STK4: variants seen among roughly 807,000 people sequenced by gnomAD.
STK4 encodes serine/threonine kinase 4, also known as serine/threonine-protein kinase 4.
Under a neutral mutation model 64.9 loss-of-function variants are expected in STK4, and 30 were observed. The ratio of observed to expected loss-of-function variants is 0.46; its 90% CI spans 0.35 to 0.63. The LOEUF is 0.63. Among genes scored for constraint, STK4 ranks in the 20% least tolerant of loss-of-function variants. The probability of loss-of-function intolerance (pLI) is 0.01; values close to 1 mark genes in which losing one functional copy is unlikely to be tolerated. For missense variants in STK4, 466 were observed against 598.5 expected (o/e 0.78, Z 2.31); for synonymous variants, 177 against 199.0 (o/e 0.89, Z 0.93).
intron 1 of STK4, chr20:44,967,273 T>C: frequency 1.0e-6 from 1 of 973,726 alleles, no homozygotes; most frequent in Non-Finnish European, 1.2e-6. Context: ...CATTGGGAGG[T>C]AGGTAAGGAA....
intron 9 of STK4, among the ~76,000 whole-genome samples, chr20:45,003,869 G>A (rs1285597772): frequency 1.3e-5 from 2 of 151,288 alleles, no homozygotes; most frequent in Non-Finnish European, 3.0e-5. Flanking sequence ...GGCGTGTGCT[G>A]CCACACCTGG....
intron 6 of STK4, among the ~76,000 whole-genome samples, chr20:44,996,762 A>G (rs1459442972): frequency 6.6e-6 from 1 of 152,078 alleles, no homozygotes; most frequent in Non-Finnish European, 1.5e-5. Flanking sequence ...CTTATTGTGT[A>G]GTTGCTGCTG....
chr20:44,995,714 A>G (rs1381947296), intron 6 of STK4, among the ~76,000 whole-genome samples: 1 of 151,896 alleles, frequency 6.6e-6, no homozygotes, highest in Admixed American at 6.6e-5. Flanking sequence ...ATACACCTCT[A>G]CTGACTCTAG....
chr20:45,064,737 T>G (rs1979419728), intron 10 of STK4, among the ~76,000 whole-genome samples: 1 of 152,216 alleles, frequency 6.6e-6, no homozygotes, highest in South Asian at 2.1e-4. Context: ...AGTTATTGAT[T>G]TGGTTCTCAG....
chr20:45,070,232 G>GATTTT (rs1335226943), intron 10 of STK4, among the ~76,000 whole-genome samples: 1 of 152,212 alleles, frequency 6.6e-6, no homozygotes, highest in Non-Finnish European at 1.5e-5. Context: ...TCATGAGTTG[G>GATTTT]ATTTTATTCT....
chr20:45,024,527 A>C (rs1370642239), intron 9 of STK4, among the ~76,000 whole-genome samples: 1 of 152,174 alleles, frequency 6.6e-6, no homozygotes, highest in Admixed American at 6.5e-5. Context: ...ATTATCAAAG[A>C]AAGTCACCCT....
intron 10 of STK4, among the ~76,000 whole-genome samples, chr20:45,042,813 G>C (rs534426739): frequency 6.3e-4 from 95 of 151,876 alleles, no homozygotes; most frequent in African/African-American, 1.9e-3. Context: ...TTTTTTGACT[G>C]AAAATGTTAG....
At chr20:45,046,692 T>C (rs2068700755) in intron 10 of STK4, among the ~76,000 whole-genome samples, 1 of 151,860 alleles carries the variant, frequency 6.6e-6, no homozygotes, top group South Asian at 2.1e-4. Context: ...TTTATTTATT[T>C]TTTTTCCGAG....
At chr20:45,068,324 T>C (rs1342434415) in intron 10 of STK4, among the ~76,000 whole-genome samples, 3 of 152,188 alleles carry the variant, frequency 2.0e-5, no homozygotes, top group African/African-American at 7.2e-5. Context: ...GTTCCTGGCC[T>C]AGCGTAGCTG....
intron 5 of STK4, among the ~76,000 whole-genome samples, chr20:44,989,886 A>T (rs769692348): frequency 6.6e-6 from 1 of 152,134 alleles, no homozygotes; most frequent in African/African-American, 2.4e-5. Context: ...CTTCAATTCT[A>T]TTCCATTGAC....
At chr20:44,967,201 A>T in intron 1 of STK4, 1 of 985,378 alleles carries the variant, frequency 1.0e-6, no homozygotes. Context: ...GGCATCTTTT[A>T]TTACTGATGT....
Position 44,984,986 on chromosome 20 carries a change from T to C in STK4, c.361-2146T>C, listed in dbSNP as rs996296795. Among the ~76,000 whole-genome samples, 8 of 152,092 alleles carry C rather than the reference T, an allele frequency of 5.3e-5. No homozygotes were observed. In the East Asian group the frequency reaches 7.7e-4, roughly 15 times the overall value. ...GTGGCTACTAGAAAATTAAAAATTA[T>C]ATTTGTGGTTCCCATTATATTTCTA... On this transcript the variant is annotated intron_variant, in intron 4 of 10. Coordinates refer to ENST00000372806, the MANE Select transcript of STK4 (RefSeq NM_006282.5).
chr20:45,039,736 A>G (rs6103982), intron 10 of STK4, among the ~76,000 whole-genome samples: 9,375 of 152,134 alleles, frequency 0.062, 961 homozygotes, highest in African/African-American at 0.21. Context: ...CTTTTTTACT[A>G]CTTCATCAAG....
chr20:45,070,199 C>G (rs1979934398), intron 10 of STK4, among the ~76,000 whole-genome samples: 1 of 152,148 alleles, frequency 6.6e-6, no homozygotes, highest in Admixed American at 6.5e-5. Flanking sequence ...CAGGGGCCAG[C>G]CATATGAGGC....
intron 10 of STK4, among the ~76,000 whole-genome samples, chr20:45,073,481 G>A (rs1453215100): frequency 6.6e-6 from 1 of 152,100 alleles, no homozygotes; most frequent in African/African-American, 2.4e-5. Context: ...AGGAAGGGTA[G>A]ACAGACAGAG....
At chr20:45,054,622 A>G (rs965293737) in intron 10 of STK4, among the ~76,000 whole-genome samples, 3 of 149,760 alleles carry the variant, frequency 2.0e-5, no homozygotes, top group Non-Finnish European at 4.4e-5. Flanking sequence ...AGAGTCAGAC[A>G]GAACCTGATT....
At chr20:44,983,659 T>G (rs970445325) in intron 4 of STK4, among the ~76,000 whole-genome samples, 9 of 152,100 alleles carry the variant, frequency 5.9e-5, no homozygotes, top group African/African-American at 2.2e-4. Flanking sequence ...CTGGGTAGAT[T>G]GTGGGTGGAT....
At chr20:45,072,457 G>A (rs1454174346) in intron 10 of STK4, among the ~76,000 whole-genome samples, 3 of 152,096 alleles carry the variant, frequency 2.0e-5, no homozygotes, top group Non-Finnish European at 2.9e-5. Context: ...TTTTTCCAGA[G>A]CACCTTCTAA....
intron 10 of STK4, among the ~76,000 whole-genome samples, chr20:45,032,267 T>TC (rs2068457568): frequency 7.2e-6 from 1 of 139,382 alleles, no homozygotes; most frequent in Non-Finnish European, 1.6e-5. Flanking sequence ...ACTATTTTAT[T>TC]CTTTTTTTTA....
Sources: allele counts gnomAD v4.1 joint callset (sites outside exome capture counted in the v4.1 genomes callset), GRCh38; gene constraint gnomAD v4.1.1; transcripts MANE v1.5; gene names NCBI Gene and HGNC (gene_info 2026-07-23, HGNC 2026-07-21).